THSD7B: variants seen among roughly 807,000 people sequenced by gnomAD.
THSD7B encodes thrombospondin type 1 domain containing 7B.
THSD7B carries 138 observed loss-of-function variants against 213.6 expected under a neutral mutation model. The ratio of observed to expected loss-of-function variants is 0.65; its 90% CI spans 0.56 to 0.74. THSD7B has a LOEUF of 0.74. THSD7B is among the 30% of genes least tolerant of loss of function. The pLI is 0.00. For missense variants in THSD7B, 1,931 were observed against 1,991.5 expected, an observed-to-expected ratio of 0.97 and a Z score of 0.58; for synonymous variants, 742 against 687.0, an observed-to-expected ratio of 1.08 and a Z score of -1.25.
chr2:136,916,859 G>T (rs1030916945), intron 2 of THSD7B, among the ~76,000 whole-genome samples: 2 of 152,114 alleles, frequency 1.3e-5, no homozygotes, highest in African/African-American at 2.4e-5. Context: ...CCTGATACTG[G>T]TTGCCATGAA....
chr2:137,078,003 T>G (rs941813828), intron 3 of THSD7B, among the ~76,000 whole-genome samples: 3 of 152,222 alleles, frequency 2.0e-5, no homozygotes, highest in Non-Finnish European at 2.9e-5. Context: ...AATTTTTGTA[T>G]AAGATGTAAG....
At chr2:136,817,940 C>G (rs1682502796) in intron 1 of THSD7B, among the ~76,000 whole-genome samples, 1 of 151,112 alleles carries the variant, frequency 6.6e-6, no homozygotes, top group Non-Finnish European at 1.5e-5. Flanking sequence ...CACTTTTACA[C>G]TGTTGTTGGG....
At chr2:136,839,903 A>T (rs1682897951) in intron 1 of THSD7B, among the ~76,000 whole-genome samples, 1 of 152,162 alleles carries the variant, frequency 6.6e-6, no homozygotes, top group Non-Finnish European at 1.5e-5. Flanking sequence ...CACAATTTCA[A>T]GTTTATGCAT....
chr2:137,130,016 G>A, intron 5 of THSD7B, among the ~76,000 whole-genome samples: 1 of 152,060 alleles, frequency 6.6e-6, no homozygotes. Flanking sequence ...CAGTTTTTAT[G>A]TTTTTTCAGT....
chr2:136,944,489 G>T (rs929605037), intron 2 of THSD7B, among the ~76,000 whole-genome samples: 1 of 152,134 alleles, frequency 6.6e-6, no homozygotes, highest in Admixed American at 6.5e-5. Context: ...GGGTGTTAAA[G>T]TCTCCCATTA....
At chr2:137,484,285 C>A (rs1688376870) in intron 15 of THSD7B, among the ~76,000 whole-genome samples, 1 of 149,718 alleles carries the variant, frequency 6.7e-6, no homozygotes, top group African/African-American at 2.5e-5. Context: ...GTTTTTTGTT[C>A]TTGCGATAGT....
intron 2 of THSD7B, among the ~76,000 whole-genome samples, chr2:136,989,998 TC>T (rs1180752479): frequency 6.7e-6 from 1 of 148,284 alleles, no homozygotes; most frequent in Non-Finnish European, 1.5e-5. Context: ...TCTTCTGCTT[TC>T]TTTTCTTGTT....
At chr2:137,510,403 AT>A (rs1679936985) in intron 15 of THSD7B, among the ~76,000 whole-genome samples, 2 of 151,820 alleles carry the variant, frequency 1.3e-5, no homozygotes, top group African/African-American at 4.8e-5. Context: ...TTATTTTTGC[AT>A]TGTCATGTAT....
At chr2:137,282,885 T>C (rs1244203186) in intron 12 of THSD7B, among the ~76,000 whole-genome samples, 6 of 152,130 alleles carry the variant, frequency 3.9e-5, no homozygotes, top group African/African-American at 1.4e-4. Flanking sequence ...CTTGGCAATG[T>C]GGGCTCTTTT....
intron 7 of THSD7B, among the ~76,000 whole-genome samples, chr2:137,227,422 T>C (rs192962340): frequency 6.6e-6 from 1 of 152,254 alleles, no homozygotes; most frequent in East Asian, 1.9e-4. Context: ...TTAAATATAT[T>C]CCATTTTATT....
At chr2:137,656,355 G>T (rs915796888) in intron 22 of THSD7B, among the ~76,000 whole-genome samples, 2 of 151,878 alleles carry the variant, frequency 1.3e-5, no homozygotes, top group African/African-American at 2.4e-5. Context: ...GATGTTTAGG[G>T]TATTAAATTA....
chr2:136,967,813 A>G (rs1685345020), intron 2 of THSD7B, among the ~76,000 whole-genome samples: 1 of 152,142 alleles, frequency 6.6e-6, no homozygotes, highest in South Asian at 2.1e-4. Flanking sequence ...GTTACCACTG[A>G]TGGATGCTTC....
chr2:137,141,521 C>G (rs915933303), intron 5 of THSD7B, among the ~76,000 whole-genome samples: 3 of 138,418 alleles, frequency 2.2e-5, no homozygotes, highest in Non-Finnish European at 4.7e-5. Context: ...CACACACACA[C>G]AGGAATGCAT....
chr2:137,313,393 A>G (rs1370531694), intron 12 of THSD7B, among the ~76,000 whole-genome samples: 2 of 151,952 alleles, frequency 1.3e-5, no homozygotes, highest in African/African-American at 2.4e-5. Flanking sequence ...TTTTGAGCCT[A>G]TGTGTGTTTC....
intron 2 of THSD7B, among the ~76,000 whole-genome samples, chr2:137,014,033 T>G (rs1686287431): frequency 6.6e-6 from 1 of 152,170 alleles, no homozygotes; most frequent in South Asian, 2.1e-4. Context: ...TCCATTCCCT[T>G]GGGAGAGCTG....
intron 5 of THSD7B, among the ~76,000 whole-genome samples, chr2:137,115,577 T>C (rs1051912153): frequency 6.6e-6 from 1 of 152,172 alleles, no homozygotes; most frequent in African/African-American, 2.4e-5. Context: ...GCTAAGGGTC[T>C]GGTATGCCAG....
rs553621957 is a variant in THSD7B, at chr2:137,086,592, T to A, written c.951-8281T>A. Among the ~76,000 whole-genome samples the A allele has an allele frequency of 3.3e-5, 5 of 152,322 alleles. No homozygotes were observed. The South Asian group carries it at 1.0e-3, about 32-fold the overall frequency. Reference sequence around the variant, plus strand: ...TTAATCACCTCTACAAAGTTTATTTTGCCATGTATGGTGGCACATTCATTG... The same window carrying A: ...TTAATCACCTCTACAAAGTTTATTTAGCCATGTATGGTGGCACATTCATTG... On this transcript the variant is annotated intron_variant, in intron 3 of 27. Transcript: ENST00000409968.
intron 12 of THSD7B, among the ~76,000 whole-genome samples, chr2:137,289,019 T>C (rs975875687): frequency 6.6e-6 from 1 of 151,168 alleles, no homozygotes; most frequent in African/African-American, 2.4e-5. Context: ...TCAATATTCT[T>C]ATCTATGAAG....
rs780096812 is a variant in THSD7B, at chr2:137,057,247, G to A, written c.950+17G>A. 1.3e-6 allele frequency: 2 copies of A among 1,558,654 alleles called. No homozygotes were observed. The highest frequency in any genetic ancestry group is 2.3e-5 in the East Asian group (1 of 44,174). ...TATGTTAAGGTAGGAGACCTTTGAT[G>A]CTTGAATTTGATTCACCTAAAATAT... On this transcript the variant is annotated intron_variant, in intron 3 of 27. Transcript: ENST00000409968.
Sources: allele counts gnomAD v4.1 joint callset (sites outside exome capture counted in the v4.1 genomes callset), GRCh38; gene constraint gnomAD v4.1.1; transcripts MANE v1.5; gene names NCBI Gene and HGNC (gene_info 2026-07-23, HGNC 2026-07-21).